Variants in LHCGR observed in about 807,000 individuals in gnomAD.
LHCGR encodes luteinizing hormone/choriogonadotropin receptor.
In LHCGR, 55 loss-of-function variants were observed where a neutral mutation model predicts 60.7. That is an observed-to-expected ratio of 0.91 (90% confidence interval 0.73 to 1.13). The LOEUF (loss-of-function observed/expected upper bound fraction) is 1.13. LHCGR is among the 50% of genes most tolerant of loss of function. The pLI is 0.00. For synonymous variants in LHCGR, 337 were observed against 316.5 expected (o/e 1.06, Z -0.69); for missense variants, 862 against 836.0 (o/e 1.03, Z -0.38).
intron 8 of LHCGR, among the ~76,000 whole-genome samples, chr2:48,706,415 T>C (rs1346895746): frequency 6.6e-6 from 1 of 152,200 alleles, no homozygotes; most frequent in Non-Finnish European, 1.5e-5. Context: ...GTGTTCTCTG[T>C]ATTTCCTGAA....
At chr2:48,733,764 GT>G (rs923563666) in intron 1 of LHCGR, among the ~76,000 whole-genome samples, 35 of 149,192 alleles carry the variant, frequency 2.3e-4, no homozygotes, top group Admixed American at 1.5e-3. Context: ...AGACTTATAT[GT>G]TTTTTTTTTC....
chr2:48,693,150 C>G (rs1017720025), intron 10 of LHCGR, among the ~76,000 whole-genome samples: 3 of 151,990 alleles, frequency 2.0e-5, no homozygotes, highest in Non-Finnish European at 4.4e-5. Flanking sequence ...GAATACTGAG[C>G]AAGAAGAGAG....
intron 4 of LHCGR, among the ~76,000 whole-genome samples, chr2:48,725,443 C>T (rs1275701051): frequency 6.6e-6 from 1 of 152,062 alleles, no homozygotes; most frequent in Non-Finnish European, 1.5e-5. Flanking sequence ...GACGTTCTTC[C>T]CAGGTGTTTA....
intron 1 of LHCGR, among the ~76,000 whole-genome samples, chr2:48,751,292 C>A (rs1332795304): frequency 6.6e-6 from 1 of 152,064 alleles, no homozygotes; most frequent in Non-Finnish European, 1.5e-5. Flanking sequence ...GTAATCAAAG[C>A]TCTCTAATAA....
At chr2:48,737,201 A>G (rs1398413695) in intron 1 of LHCGR, among the ~76,000 whole-genome samples, 3 of 152,252 alleles carry the variant, frequency 2.0e-5, no homozygotes, top group Non-Finnish European at 4.4e-5. Context: ...GTTGTTAAAA[A>G]TGCCAACTAT....
chr2:48,695,415 T>C (rs1667065529), intron 9 of LHCGR, among the ~76,000 whole-genome samples: 1 of 152,184 alleles, frequency 6.6e-6, no homozygotes, highest in African/African-American at 2.4e-5. Context: ...TTTAGGACTT[T>C]TACAGTCTGA....
At chr2:48,712,747 C>A (rs1209582207) in intron 7 of LHCGR, among the ~76,000 whole-genome samples, 1 of 151,572 alleles carries the variant, frequency 6.6e-6, no homozygotes, top group Non-Finnish European at 1.5e-5. Flanking sequence ...GCGTTAAGTA[C>A]TGAGGATATG....
chr2:48,699,527 C>T (rs767302175), intron 8 of LHCGR, among the ~76,000 whole-genome samples: 1 of 152,202 alleles, frequency 6.6e-6, no homozygotes, highest in Non-Finnish European at 1.5e-5. Context: ...GGAAATTATT[C>T]AGGGCTTCAG....
chr2:48,755,648 C>T lies in LHCGR; in HGVS notation c.24G>A (p.Leu8=), dbSNP rs1670178765. Residue 8 remains leucine (L), a synonymous_variant, in exon 1 of 11, where the codon CTG becomes CTA. Transcript: ENST00000294954. ...GCAGCAGCAGCAGCTTCAGCAGCTGCAGCGCCGAGAACCGCTGCTTCATGG... is the reference window on the plus strand; with the variant it reads ...GCAGCAGCAGCAGCTTCAGCAGCTGTAGCGCCGAGAACCGCTGCTTCATGG... MKQRFSA[L]QLLKLLLLLQ... is the part of the protein sequence containing the mutation. 1 of 1,535,710 alleles carries T rather than the reference C, an allele frequency of 6.5e-7. No individual in the cohort carries two copies.
At chr2:48,719,587 T>C (rs1282224752) in intron 6 of LHCGR, among the ~76,000 whole-genome samples, 2 of 152,216 alleles carry the variant, frequency 1.3e-5, no homozygotes, top group Non-Finnish European at 2.9e-5. Flanking sequence ...GAGGGGCATT[T>C]CAAGGTGGCC....
At position 48,714,044 on chromosome 2, in the gene LHCGR, C is replaced by T; in HGVS notation, c.547G>A (p.Gly183Arg). 1.2e-6 allele frequency: 2 copies of T among 1,612,420 alleles called. No individual in the cohort carries two copies. Among genetic ancestry groups the T allele is most frequent in the Non-Finnish European group, 1.7e-6 (2 of 1,178,582 alleles). The change falls in exon 7 of 11, where the codon GGA becomes AGA. Residue 183 changes from glycine to arginine, a missense_variant. Coordinates refer to ENST00000294954, the MANE Select transcript of LHCGR (RefSeq NM_000233.4). Reference protein sequence around the residue: ...NNESVTLKLYGNGFEEVQSHA... With the variant: ...NNESVTLKLYRNGFEEVQSHA... ...CTTTGTACTTCTTCAAATCCATTTCCATATAGTTTGCTGAAGGAGGGAGGA... is the reference window on the plus strand; with the variant it reads ...CTTTGTACTTCTTCAAATCCATTTCTATATAGTTTGCTGAAGGAGGGAGGA...
chr2:48,745,581 T>C (rs866090290), intron 1 of LHCGR, among the ~76,000 whole-genome samples: 1 of 151,210 alleles, frequency 6.6e-6, no homozygotes, highest in Non-Finnish European at 1.5e-5. Context: ...TCATTCTCAG[T>C]AAACTATCGC....
intron 10 of LHCGR, among the ~76,000 whole-genome samples, chr2:48,690,197 C>T (rs1680157105): frequency 6.6e-6 from 1 of 152,190 alleles, no homozygotes; most frequent in African/African-American, 2.4e-5. Flanking sequence ...GAGATAAAAT[C>T]CAAACTCATT....
intron 1 of LHCGR, among the ~76,000 whole-genome samples, chr2:48,745,036 G>C (rs1350096183): frequency 6.6e-6 from 1 of 152,040 alleles, no homozygotes; most frequent in Non-Finnish European, 1.5e-5. Context: ...GTGGGCGAAG[G>C]ACATGAACAG....
At chr2:48,728,747 G>C (rs1451929515) in intron 3 of LHCGR, among the ~76,000 whole-genome samples, 1 of 152,068 alleles carries the variant, frequency 6.6e-6, no homozygotes, top group African/African-American at 2.4e-5. Context: ...TTACACTGTA[G>C]GTATTCAAGA....
chr2:48,736,955 A>G (rs965627372), intron 1 of LHCGR, among the ~76,000 whole-genome samples: 1 of 152,008 alleles, frequency 6.6e-6, no homozygotes, highest in Non-Finnish European at 1.5e-5. Context: ...TAGGTTTCTC[A>G]CCTCCCCTTG....
chr2:48,733,255 G>A, intron 1 of LHCGR: 1 of 191,886 alleles, frequency 5.2e-6, no homozygotes, highest in Non-Finnish European at 1.1e-5. Context: ...GTTTATTCAT[G>A]CAAATGGAGC....
intron 10 of LHCGR, among the ~76,000 whole-genome samples, chr2:48,689,690 C>T (rs920202542): frequency 6.6e-6 from 1 of 152,082 alleles, no homozygotes; most frequent in East Asian, 1.9e-4. Flanking sequence ...CCCACTGATA[C>T]TTCCTGAGTT....
intron 1 of LHCGR, among the ~76,000 whole-genome samples, chr2:48,734,017 T>C (rs192856423): frequency 4.6e-5 from 7 of 152,316 alleles, no homozygotes; most frequent in Non-Finnish European, 1.0e-4. Flanking sequence ...CCTGTATACA[T>C]TGAGAAAAAT....
Sources: allele counts gnomAD v4.1 joint callset (sites outside exome capture counted in the v4.1 genomes callset), GRCh38; gene constraint gnomAD v4.1.1; transcripts MANE v1.5; gene names NCBI Gene and HGNC (gene_info 2026-07-23, HGNC 2026-07-21).